The following AUTS2 variants were observed in gnomAD, a reference collection of about 807,000 sequenced individuals.
AUTS2 encodes the protein autism susceptibility gene 2 protein.
AUTS2 carries 17 observed loss-of-function variants against 112.4 expected under a neutral mutation model. The ratio of observed to expected loss-of-function variants is 0.15; its 90% confidence interval spans 0.10 to 0.23. AUTS2 has a LOEUF of 0.23. Among genes scored for constraint, AUTS2 ranks in the 10% least tolerant of loss-of-function variants. The pLI, the probability that AUTS2 is intolerant of heterozygous loss-of-function variation, is 1.00. For missense variants in AUTS2, 1,510 were observed against 1,701.6 expected (o/e 0.89, Z 1.98); for synonymous variants, 751 against 702.7 (o/e 1.07, Z -1.09).
At chr7:70,348,636 C>T (rs1791606933) in intron 4 of AUTS2, among the ~76,000 whole-genome samples, 3 of 151,834 alleles carry the variant, frequency 2.0e-5, no homozygotes, top group Admixed American at 2.0e-4. Context: ...AACCCCGTCT[C>T]TACTAAAAAA....
intron 3 of AUTS2, among the ~76,000 whole-genome samples, chr7:70,127,106 A>C (rs541974170): frequency 6.6e-6 from 1 of 151,984 alleles, no homozygotes; most frequent in East Asian, 1.9e-4. Context: ...GATTACAGGC[A>C]TAAGACACTG....
intron 1 of AUTS2, among the ~76,000 whole-genome samples, chr7:69,698,667 C>G (rs1290937628): frequency 6.6e-6 from 1 of 152,122 alleles, no homozygotes; most frequent in Non-Finnish European, 1.5e-5. Flanking sequence ...ATGAGTGATC[C>G]CATTGGAGAT....
rs145437711 is a variant in AUTS2 at position 69,919,937 on chromosome 7, A to G, written c.522+20439A>G. On this transcript the variant is annotated intron_variant, in intron 2 of 18. Coordinates refer to ENST00000342771, the MANE Select transcript of AUTS2 (RefSeq NM_015570.4). ...GTAAAATTATGCTGTGCACATGGTTATTAGACTACTGTAGATACCAGTGGG... is the reference window on the plus strand; with the variant it reads ...GTAAAATTATGCTGTGCACATGGTTGTTAGACTACTGTAGATACCAGTGGG... Among the ~76,000 whole-genome samples the G allele has an allele frequency of 8.5e-5, 13 of 152,280 alleles. 1 individual carries two copies. In the East Asian group the frequency reaches 1.9e-3, roughly 23 times the overall value.
At chr7:70,006,646 G>C (rs1015267789) in intron 2 of AUTS2, among the ~76,000 whole-genome samples, 2 of 152,054 alleles carry the variant, frequency 1.3e-5, no homozygotes, top group African/African-American at 4.8e-5. Context: ...GATAATCCTC[G>C]CCCAACTTCC....
rs1790758461 is a variant in AUTS2, at chr7:70,777,177, C to T, written c.2004+3C>T. ...ACCACCACCAACAGAAAGTCAAGGT[C>T]AGTCCGACCTTCGTGGTGTAGGGAA... On this transcript the variant is annotated splice_donor_region_variant and intron_variant, in intron 14 of 18. Transcript: ENST00000342771. 1 of 1,613,628 alleles carries T rather than the reference C, an allele frequency of 6.2e-7. No individual in the cohort carries two copies. The highest frequency in any genetic ancestry group is 1.3e-5 in the African/African-American group (1 of 74,906).
At chr7:69,804,445 C>T (rs1584269844) in intron 1 of AUTS2, among the ~76,000 whole-genome samples, 1 of 152,152 alleles carries the variant, frequency 6.6e-6, no homozygotes, top group East Asian at 1.9e-4. Context: ...CACTTGGTTC[C>T]TGACTCAACT....
At position 70,184,119 on chromosome 7, in the gene AUTS2, G is replaced by A. The variant is rs1358073316; in HGVS notation, c.660+49548G>A. The stretch of plus-strand genomic sequence containing the variant: ...GGATTTTGTTTTCTTCTGTTCCTTG[G>A]GCATGCTGGAAATTTGTTAGCTCTT... On this transcript the variant is annotated intron_variant, in intron 4 of 18. Coordinates refer to ENST00000342771, the MANE Select transcript of AUTS2 (RefSeq NM_015570.4). 2.0e-5 allele frequency among the ~76,000 whole-genome samples: 3 copies of A among 152,008 alleles called. No individual in the cohort carries two copies. The East Asian group carries it at 5.8e-4, about 29-fold the overall frequency.
At chr7:70,444,373 TGA>T (rs1554402014) in intron 5 of AUTS2, among the ~76,000 whole-genome samples, 44 of 142,440 alleles carry the variant, frequency 3.1e-4, no homozygotes, top group South Asian at 1.1e-3. Flanking sequence ...TGTGTGTGTG[TGA>T]GAGAGAGAGA....
At chr7:69,769,799 T>G (rs1788585181) in intron 1 of AUTS2, among the ~76,000 whole-genome samples, 1 of 152,176 alleles carries the variant, frequency 6.6e-6, no homozygotes, top group Non-Finnish European at 1.5e-5. Flanking sequence ...GAAATTGCAT[T>G]AGGAGGGTCC....
At chr7:70,586,306 A>G (rs920249058) in intron 5 of AUTS2, among the ~76,000 whole-genome samples, 13 of 152,214 alleles carry the variant, frequency 8.5e-5, no homozygotes, top group Non-Finnish European at 1.8e-4. Flanking sequence ...TCTGAAATAT[A>G]TATTTCTCCA....
At chr7:70,452,472 TTAA>T (rs1796576113) in intron 5 of AUTS2, among the ~76,000 whole-genome samples, 1 of 152,176 alleles carries the variant, frequency 6.6e-6, no homozygotes, top group East Asian at 1.9e-4. Context: ...AATACTACTA[TTAA>T]TAATAATAAG....
intron 1 of AUTS2, among the ~76,000 whole-genome samples, chr7:69,715,675 AG>A (rs1228302509): frequency 2.6e-5 from 4 of 152,214 alleles, no homozygotes; most frequent in African/African-American, 9.6e-5. Context: ...AATGAGAGCA[AG>A]GGATGGTCAT....
chr7:70,316,082 G>T (rs976148412), intron 4 of AUTS2, among the ~76,000 whole-genome samples: 4 of 152,190 alleles, frequency 2.6e-5, no homozygotes, highest in Non-Finnish European at 4.4e-5. Context: ...CTGAATTAAT[G>T]CAGTATAAAA....
At position 70,036,034 on chromosome 7, in the gene AUTS2, G is replaced by A. The variant is rs1800985691; in HGVS notation, c.523-82098G>A. Among the ~76,000 whole-genome samples, 4 of 152,242 alleles carry A rather than the reference G, an allele frequency of 2.6e-5. No individual in the cohort carries two copies. In the South Asian group the frequency reaches 8.3e-4, roughly 31 times the overall value. ...GTAAGTGCTATGAAAGAGCAGGACA[G>A]ACTGCTTTGAATGGGGGAAGGGGGG... is the stretch of plus-strand genomic sequence containing the variant. On this transcript the variant is annotated intron_variant, in intron 2 of 18. Transcript: ENST00000342771.
chr7:70,483,020 G>A (rs1203960515), intron 5 of AUTS2, among the ~76,000 whole-genome samples: 3 of 152,136 alleles, frequency 2.0e-5, no homozygotes, highest in African/African-American at 4.8e-5. Context: ...TATGAAATCT[G>A]CATGGCCCCT....
rs375306150 is a variant in AUTS2, at chr7:70,043,705, G to A, written c.523-74427G>A. ...GCTTACCACAACCTCCACCTCCTGA[G>A]TTCAAGCAATTCTCCTGCCTCAGCC... On this transcript the variant is annotated intron_variant, in intron 2 of 18. Coordinates refer to ENST00000342771, the MANE Select transcript of AUTS2 (RefSeq NM_015570.4). Among the ~76,000 whole-genome samples, 3 of 151,456 alleles carry A rather than the reference G, an allele frequency of 2.0e-5. No individual in the cohort carries two copies. The East Asian group carries it at 5.8e-4, about 29-fold the overall frequency.
At chr7:70,662,932 TG>T (rs1366986160) in intron 5 of AUTS2, among the ~76,000 whole-genome samples, 3 of 152,252 alleles carry the variant, frequency 2.0e-5, no homozygotes, top group African/African-American at 7.2e-5. Flanking sequence ...AAAAGATACC[TG>T]TATTTTGCTC....
chr7:70,392,006 T>G (rs1585092356), intron 4 of AUTS2, among the ~76,000 whole-genome samples: 1 of 152,194 alleles, frequency 6.6e-6, no homozygotes, highest in African/African-American at 2.4e-5. Flanking sequence ...GCTTCCTGAC[T>G]TCTCCAGTGA....
chr7:70,050,657 C>T (rs1015274442), intron 2 of AUTS2, among the ~76,000 whole-genome samples: 6 of 152,188 alleles, frequency 3.9e-5, no homozygotes, highest in Non-Finnish European at 8.8e-5. Flanking sequence ...TTCTAACTTC[C>T]CCATCCCACT....
Sources: allele counts gnomAD v4.1 joint callset (sites outside exome capture counted in the v4.1 genomes callset), GRCh38; gene constraint gnomAD v4.1.1; transcripts MANE v1.5; gene names NCBI Gene and HGNC (gene_info 2026-07-23, HGNC 2026-07-21).